OSBPL6: variants seen among roughly 807,000 people sequenced by gnomAD.
OSBPL6 encodes the protein oxysterol binding protein like 6.
A neutral mutation model predicts 125.8 loss-of-function variants in OSBPL6; 49 were observed. The ratio of observed to expected loss-of-function variants is 0.39; its 90% CI spans 0.31 to 0.49. The LOEUF is 0.49. OSBPL6 is among the 20% of genes least tolerant of loss of function. The pLI, the probability that OSBPL6 is intolerant of heterozygous loss-of-function variation, is 0.88. For missense variants in OSBPL6, 986 were observed against 1,135.4 expected, an observed-to-expected ratio of 0.87 and a Z score of 1.89; for synonymous variants, 394 against 391.8, an observed-to-expected ratio of 1.01 and a Z score of -0.07.
chr2:178,327,726 T>C (rs1018581368), intron 4 of OSBPL6, among the ~76,000 whole-genome samples: 1 of 152,040 alleles, frequency 6.6e-6, no homozygotes, highest in African/African-American at 2.4e-5. Flanking sequence ...GGTGAGCAGG[T>C]GTCTTATGTG....
At chr2:178,388,818 G>T (rs1337221579) in intron 20 of OSBPL6, among the ~76,000 whole-genome samples, 191 bp from the exon 21 acceptor site, 2 of 152,154 alleles carry the variant, frequency 1.3e-5, no homozygotes, top group Non-Finnish European at 2.9e-5. Flanking sequence ...CCCATAGAAA[G>T]CACTTAAATG....
rs765372319 is a variant in OSBPL6 at position 178,306,263 on chromosome 2, T to C, written c.79T>C (p.Ser27Pro). Residue 27 changes from serine (S) to proline (P), a missense_variant, in exon 3 of 25, where the codon TCC (serine) becomes CCC (proline). Coordinates refer to ENST00000190611, the MANE Select transcript of OSBPL6 (RefSeq NM_032523.4). ...CCATAGAAGTGCCTCCTCTTCAACA[T>C]CCTCCCAAAGGGACAGTAGGCAGGT... ...PTHRSASSST[S>P]SQRDSRQSIH... is the part of the protein sequence containing the mutation. 3.1e-6 allele frequency: 5 copies of C among 1,612,984 alleles called. No individual in the cohort carries two copies. In the South Asian group the frequency reaches 4.4e-5, roughly 14 times the overall value.
rs116497843 is a variant in OSBPL6 at position 178,203,834 on chromosome 2, T to A, written c.-351+9160T>A. Among the ~76,000 whole-genome samples the A allele has an allele frequency of 5.4e-3, 825 of 152,298 alleles. 9 individuals are homozygous for A. Among genetic ancestry groups the A allele is most frequent in the African/African-American group, 0.018 (756 of 41,568 alleles). On this transcript the variant is annotated intron_variant, in intron 1 of 24. Transcript: ENST00000190611. ...CCATGAACTAGGCAAGACCCTTCTG[T>A]GTACTGTACCCAATGTCCGCTGAAT...
intron 1 of OSBPL6, among the ~76,000 whole-genome samples, chr2:178,228,406 G>T (rs546221862): frequency 6.6e-6 from 1 of 152,170 alleles, no homozygotes; most frequent in Non-Finnish European, 1.5e-5. Context: ...GTGGTGGCGT[G>T]CGCCTGTAGT....
chr2:178,298,790 G>C (rs1210121707), intron 2 of OSBPL6, among the ~76,000 whole-genome samples: 1 of 151,594 alleles, frequency 6.6e-6, no homozygotes, highest in African/African-American at 2.4e-5. Context: ...TTGGTTCAAG[G>C]ACATTTTTAA....
At chr2:178,382,388 T>C in intron 15 of OSBPL6, 32 bp from the exon 16 acceptor site, 1 of 1,559,322 alleles carries the variant, frequency 6.4e-7, no homozygotes, top group South Asian at 1.2e-5. Flanking sequence ...TGAACAAGAA[T>C]TCTGATCCTT....
intron 1 of OSBPL6, among the ~76,000 whole-genome samples, chr2:178,255,349 G>T (rs145730988): frequency 2.6e-5 from 4 of 152,276 alleles, no homozygotes; most frequent in African/African-American, 7.2e-5. Flanking sequence ...AAAACAGAGC[G>T]TGTGCAGGGG....
chr2:178,274,203 C>T (rs2092425453), intron 1 of OSBPL6, among the ~76,000 whole-genome samples: 1 of 152,230 alleles, frequency 6.6e-6, no homozygotes, highest in Non-Finnish European at 1.5e-5. Context: ...GCTTGCAACA[C>T]TTTTCAGTTG....
At position 178,392,633 on chromosome 2, in the gene OSBPL6, A is replaced by G. The variant is rs370279368; in HGVS notation, c.2573+95A>G. On this transcript the variant is annotated intron_variant, in intron 23 of 24. Transcript: ENST00000190611. The stretch of plus-strand genomic sequence containing the variant: ...CACTTTAGAAGGCTGAGGAGGGAAG[A>G]TCACTTGAGGTCAGGAATTCAAGAC... The G allele has an allele frequency of 7.5e-6, 11 of 1,471,404 alleles. No homozygotes were observed. The African/African-American group carries it at 1.3e-4, about 17-fold the overall frequency. The allele number at this position is 1,471,404 out of a possible 1,614,324, so 91.1% of individuals were successfully genotyped here. A position where few individuals can be genotyped will look rare whatever the true frequency, so the allele number is the denominator to read the frequency against.
intron 1 of OSBPL6, among the ~76,000 whole-genome samples, chr2:178,228,407 C>T (rs563196254): frequency 1.2e-4 from 19 of 152,216 alleles, no homozygotes; most frequent in East Asian, 1.2e-3. Context: ...TGGTGGCGTG[C>T]GCCTGTAGTC....
intron 10 of OSBPL6, 124 bp from the exon 11 acceptor site, chr2:178,339,548 C>T: frequency 1.8e-6 from 1 of 559,802 alleles, no homozygotes; most frequent in East Asian, 3.4e-5. Flanking sequence ...CCTTTCTGTC[C>T]TGGCTGGTTT....
intron 1 of OSBPL6, among the ~76,000 whole-genome samples, chr2:178,235,787 A>C (rs1171798022): frequency 6.6e-6 from 1 of 152,140 alleles, no homozygotes; most frequent in Non-Finnish European, 1.5e-5. Flanking sequence ...TCTAATTTTT[A>C]GATGGTTTGG....
At chr2:178,218,789 C>G (rs2090206863) in intron 1 of OSBPL6, among the ~76,000 whole-genome samples, 1 of 151,882 alleles carries the variant, frequency 6.6e-6, no homozygotes, top group South Asian at 2.1e-4. Context: ...GTCACCATGC[C>G]CAGCTGATTT....
intron 10 of OSBPL6, among the ~76,000 whole-genome samples, chr2:178,339,469 A>G (rs1689999221): frequency 6.6e-6 from 1 of 152,174 alleles, no homozygotes; most frequent in Non-Finnish European, 1.5e-5. Flanking sequence ...CATTTTGTTT[A>G]TCAGTAAAAT....
At chr2:178,326,501 C>T (rs1365892558) in intron 4 of OSBPL6, among the ~76,000 whole-genome samples, 1 of 152,044 alleles carries the variant, frequency 6.6e-6, no homozygotes, top group African/African-American at 2.4e-5. Flanking sequence ...ACTGAAATTA[C>T]AAAAACAAAT....
chr2:178,277,840 C>T (rs2092499798), intron 1 of OSBPL6, among the ~76,000 whole-genome samples: 1 of 152,172 alleles, frequency 6.6e-6, no homozygotes, highest in Admixed American at 6.5e-5. Context: ...TCTCTCTTGT[C>T]TTTTTCCTCC....
At chr2:178,306,433 T>G (rs774488831) in intron 3 of OSBPL6, 147 bp downstream of exon 3, 1 of 604,704 alleles carries the variant, frequency 1.7e-6, no homozygotes, top group East Asian at 2.9e-5. Flanking sequence ...GGTACGTTCA[T>G]TGATGTCATG....
At chr2:178,249,829 T>G (rs893817837) in intron 1 of OSBPL6, among the ~76,000 whole-genome samples, 1 of 58,934 alleles carries the variant, frequency 1.7e-5, no homozygotes, top group Admixed American at 1.4e-4. Context: ...CTAGAAGTGT[T>G]TTTTTTTTTT....
intron 21 of OSBPL6, among the ~76,000 whole-genome samples, chr2:178,389,368 AG>A (rs940872513): frequency 4.0e-5 from 6 of 151,864 alleles, no homozygotes; most frequent in African/African-American, 1.5e-4. Flanking sequence ...CATCTAAAAC[AG>A]AAAAAAAACA....
Sources: gnomAD v4.1 joint callset for allele counts (sites outside exome capture counted in the v4.1 genomes callset) on GRCh38, gnomAD v4.1.1 for gene constraint, MANE v1.5 for transcripts, NCBI Gene and HGNC (gene_info 2026-07-23, HGNC 2026-07-21) for gene names.